PCDH11Y: variants seen among roughly 807,000 people sequenced by gnomAD.
PCDH11Y encodes the protein protocadherin 11 Y-linked, also known as protocadherin-11 Y-linked.
For missense variants in PCDH11Y, 12 were observed against 224.8 expected, an observed-to-expected ratio of 0.05 and a Z score of 6.05; for synonymous variants, 9 against 83.6, an observed-to-expected ratio of 0.11 and a Z score of 4.87.
chrY:5,626,290 C>T, intron 4 of PCDH11Y, among the ~76,000 whole-genome samples: 2 of 31,930 alleles, frequency 6.3e-5, no homozygotes, highest in Non-Finnish European at 1.5e-4. Context: ...TGTATCTTCC[C>T]TCTTTTTTTC....
At chrY:5,698,286 A>G (rs2053573848) in intron 4 of PCDH11Y, among the ~76,000 whole-genome samples, 1 of 33,019 alleles carries the variant, frequency 3.0e-5, no homozygotes, top group Non-Finnish European at 7.4e-5. Flanking sequence ...ACTGATGATT[A>G]TGTGTCTTGG....
intron 2 of PCDH11Y, among the ~76,000 whole-genome samples, chrY:5,128,855 T>C (rs2052829154): frequency 3.0e-5 from 1 of 33,380 alleles, no homozygotes; most frequent in Non-Finnish European, 7.4e-5. Context: ...GGAAAATTAA[T>C]TACTTAATTA....
chrY:5,641,328 TG>T (rs2053522874), intron 4 of PCDH11Y, among the ~76,000 whole-genome samples: 1 of 33,702 alleles, frequency 3.0e-5, no homozygotes, highest in South Asian at 6.4e-4. Context: ...AACTATTTGG[TG>T]CAAGAGGTCT....
chrY:5,739,984 A>G, exon 5 of PCDH11Y: 1 of 33,040 alleles, frequency 3.0e-5, no homozygotes. Context: ...AAAAGAACCA[A>G]TAGTGACAAA....
intron 3 of PCDH11Y, among the ~76,000 whole-genome samples, chrY:5,512,142 G>A: frequency 3.1e-5 from 1 of 32,684 alleles, no homozygotes; most frequent in South Asian, 6.9e-4. Flanking sequence ...TTAAATGAAA[G>A]TGCATGTATT....
At chrY:5,574,300 G>A in intron 3 of PCDH11Y, 1 of 339,760 alleles carries the variant, frequency 2.9e-6, no homozygotes, top group Non-Finnish European at 4.3e-6. Flanking sequence ...GGAAGATGGC[G>A]AGGACTTCAT....
At chrY:5,669,866 A>C in intron 4 of PCDH11Y, among the ~76,000 whole-genome samples, 1 of 27,855 alleles carries the variant, frequency 3.6e-5, no homozygotes, top group Non-Finnish European at 8.6e-5. Flanking sequence ...TATCGACTAT[A>C]GTCATCCTGT....
At chrY:5,070,065 A>T in intron 1 of PCDH11Y, among the ~76,000 whole-genome samples, 2 of 33,108 alleles carry the variant, frequency 6.0e-5, no homozygotes, top group African/African-American at 2.3e-4. Context: ...ATAATAGTTT[A>T]TTTTTGCATC....
At chrY:5,626,375 G>T in intron 4 of PCDH11Y, among the ~76,000 whole-genome samples, 1 of 31,260 alleles carries the variant, frequency 3.2e-5, no homozygotes, top group Non-Finnish European at 7.8e-5. Context: ...TTGATCTTTT[G>T]TATGTTTTCA....
At chrY:5,628,930 C>T in intron 4 of PCDH11Y, among the ~76,000 whole-genome samples, 2 of 33,317 alleles carry the variant, frequency 6.0e-5, no homozygotes, top group East Asian at 1.6e-3. Flanking sequence ...TGCATCCTTT[C>T]CTCTGGGCAA....
intron 4 of PCDH11Y, among the ~76,000 whole-genome samples, chrY:5,596,203 G>T (rs2124699002): frequency 6.8e-5 from 2 of 29,345 alleles, no homozygotes; most frequent in South Asian, 1.6e-3. Context: ...TTCAAGGAAA[G>T]ATGTGAAACA....
intron 2 of PCDH11Y, among the ~76,000 whole-genome samples, chrY:5,179,243 A>C: frequency 3.0e-5 from 1 of 33,392 alleles, no homozygotes; most frequent in African/African-American, 1.2e-4. Context: ...CACTCACACC[A>C]ACAGTGTAAA....
chrY:5,426,254 T>G, intron 2 of PCDH11Y, among the ~76,000 whole-genome samples: 1 of 33,193 alleles, frequency 3.0e-5, no homozygotes, highest in African/African-American at 1.2e-4. Flanking sequence ...ATATGTATTC[T>G]GTAGAGTAAA....
intron 3 of PCDH11Y, among the ~76,000 whole-genome samples, chrY:5,038,864 A>G: frequency 7.4e-5 from 2 of 27,024 alleles, no homozygotes; most frequent in Non-Finnish European, 1.7e-4. Context: ...TTAATTTTAT[A>G]CCTTTTTTGT....
At chrY:5,055,017 T>G, upstream of PCDH11Y, among the ~76,000 whole-genome samples, 1 of 33,262 alleles carries the variant, frequency 3.0e-5, no homozygotes, top group South Asian at 6.6e-4. Context: ...CATAGGAAAG[T>G]CATTGAATTC....
chrY:5,081,040 T>C, intron 1 of PCDH11Y, among the ~76,000 whole-genome samples: 1 of 29,791 alleles, frequency 3.4e-5, no homozygotes, highest in Non-Finnish European at 8.0e-5. Context: ...TTAATTTTGG[T>C]AAAAGGTGTA....
intron 4 of PCDH11Y, among the ~76,000 whole-genome samples, chrY:5,612,656 G>A: frequency 6.4e-5 from 2 of 31,254 alleles, no homozygotes; most frequent in Non-Finnish European, 1.5e-4. Context: ...TATAGCATTG[G>A]AATTCTAATG....
chrY:5,633,039 C>G, intron 4 of PCDH11Y, among the ~76,000 whole-genome samples: 2 of 31,977 alleles, frequency 6.3e-5, no homozygotes, highest in African/African-American at 2.4e-4. Flanking sequence ...AACACTTTTC[C>G]TCACCCCAAG....
chrY:5,592,031 C>A (rs2053462894), intron 4 of PCDH11Y, among the ~76,000 whole-genome samples: 2 of 32,922 alleles, frequency 6.1e-5, no homozygotes, highest in African/African-American at 1.2e-4. Context: ...GTAGAGATTT[C>A]TGTAAATGTC....
Sources: allele counts gnomAD v4.1 joint callset (sites outside exome capture counted in the v4.1 genomes callset), GRCh38; gene constraint gnomAD v4.1.1; transcripts MANE v1.5; gene names NCBI Gene and HGNC (gene_info 2026-07-23, HGNC 2026-07-21).